The following RSPH14 variants were observed in gnomAD, a reference collection of about 807,000 sequenced individuals.
RSPH14 encodes rhabdoid tumor deletion region gene 1.
In RSPH14, 20 loss-of-function variants were observed where a neutral mutation model predicts 26.7. That is an observed-to-expected ratio of 0.75 (90% CI 0.53 to 1.09). RSPH14 has a LOEUF of 1.09. RSPH14 is among the 50% of genes least tolerant of loss of function. RSPH14 has a pLI of 0.00. For synonymous variants in RSPH14, 177 were observed against 189.3 expected (o/e 0.93, Z 0.53); for missense variants, 449 against 457.2 (o/e 0.98, Z 0.16).
intron 4 of RSPH14, chr22:23,133,782 G>T (rs1207826408): frequency 7.8e-6 from 3 of 382,420 alleles, no homozygotes; most frequent in Non-Finnish European, 1.6e-5. Context: ...TAGAGACAGG[G>T]TTTCACCATA....
At chr22:23,128,550 C>T (rs1210986649) in intron 4 of RSPH14, among the ~76,000 whole-genome samples, 1 of 152,200 alleles carries the variant, frequency 6.6e-6, no homozygotes, top group African/African-American at 2.4e-5. Flanking sequence ...GCAGCTTGGG[C>T]CCAGGGCCCC....
chr22:23,082,292 C>G (rs1253811226), intron 4 of RSPH14, among the ~76,000 whole-genome samples: 1 of 151,522 alleles, frequency 6.6e-6, no homozygotes, highest in Non-Finnish European at 1.5e-5. Flanking sequence ...TCTCGGCTCA[C>G]TGCAACCTCC....
rs145680788 is a variant in RSPH14, at chr22:23,138,847, C to T, written c.295G>A (p.Val99Met). Residue 99 changes from valine to methionine, a missense_variant, in exon 3 of 7, where the codon GTG becomes ATG. Physicochemically the swap from Val to Met is conservative, Grantham distance 21. Coordinates refer to ENST00000216036, the MANE Select transcript of RSPH14 (RefSeq NM_014433.3). Reference sequence around the variant, plus strand: ...TCCAGAACAGCATCCCACCTGCCCACGCTATGGCTTGCCGTGATGTGGAGC... The same window carrying T: ...TCCAGAACAGCATCCCACCTGCCCATGCTATGGCTTGCCGTGATGTGGAGC... ...EVLHITASHS[V>M]GRYAFLEHDI... 19 of 1,551,436 alleles carry T rather than the reference C, an allele frequency of 1.2e-5. No homozygotes were observed. The highest frequency in any genetic ancestry group is 2.7e-5 in the African/African-American group (2 of 73,030).
At chr22:23,143,623 TC>T (rs915013889), upstream of RSPH14, among the ~76,000 whole-genome samples, 5 of 152,222 alleles carry the variant, frequency 3.3e-5, no homozygotes, top group Admixed American at 2.6e-4. Flanking sequence ...AAATTTGTCA[TC>T]CTTTGTCTAA....
intron 4 of RSPH14, among the ~76,000 whole-genome samples, chr22:23,128,599 G>T (rs183271096): frequency 4.1e-4 from 63 of 152,304 alleles, no homozygotes; most frequent in African/African-American, 1.4e-3. Context: ...CCTCAGTCCT[G>T]GGGTGCCCCC....
At chr22:23,153,692 C>CAT in the RSPH14 span, 4 of 273,152 alleles carry the variant, frequency 1.5e-5, no homozygotes, top group Non-Finnish European at 1.8e-5. Context: ...CCACTTCTGT[C>CAT]TTTTTTTTTT....
chr22:23,104,068 G>A (rs1266435811), intron 4 of RSPH14, among the ~76,000 whole-genome samples: 7 of 152,018 alleles, frequency 4.6e-5, no homozygotes, highest in Non-Finnish European at 1.0e-4. Flanking sequence ...CGTGGGGGTG[G>A]TGATCTGATC....
chr22:23,161,059 C>A, the RSPH14 span: 1 of 1,534,618 alleles, frequency 6.5e-7, no homozygotes, highest in Non-Finnish European at 8.8e-7. Context: ...AATCCACATG[C>A]GCCATCCTCG....
At chr22:23,157,881 C>T in the RSPH14 span, 1 of 1,574,170 alleles carries the variant, frequency 6.4e-7, no homozygotes, top group Non-Finnish European at 8.6e-7. Context: ...TGCTGAGTGC[C>T]TGGTTGGGGG....
At chr22:23,145,781 C>T (rs1218810850), upstream of RSPH14, among the ~76,000 whole-genome samples, 2 of 152,246 alleles carry the variant, frequency 1.3e-5, no homozygotes, top group East Asian at 3.9e-4. Flanking sequence ...CAACCGGACT[C>T]CGCCAGGACC....
chr22:23,149,990 C>A, upstream of RSPH14: 1 of 1,200,764 alleles, frequency 8.3e-7, no homozygotes, highest in African/African-American at 1.5e-5. Flanking sequence ...GATCATCTCC[C>A]CTCACTGCTT....
the RSPH14 span, chr22:23,158,144 TGTGA>T: frequency 6.4e-7 from 1 of 1,552,352 alleles, no homozygotes; most frequent in Non-Finnish European, 8.7e-7. Context: ...CCGTGGTGGG[TGTGA>T]GTGACCAGGG....
At chr22:23,077,122 G>C (rs1364051428) in intron 4 of RSPH14, among the ~76,000 whole-genome samples, 1 of 152,174 alleles carries the variant, frequency 6.6e-6, no homozygotes, top group Admixed American at 6.5e-5. Flanking sequence ...ACGGGAGGCA[G>C]GATTTAGATG....
At chr22:23,145,305 GGGTGT>G, upstream of RSPH14, 2 of 1,309,690 alleles carry the variant, frequency 1.5e-6, no homozygotes, top group Non-Finnish European at 2.0e-6. Context: ...CGGCTCTCCA[GGGTGT>G]CCAGGAGTCT....
intron 4 of RSPH14, among the ~76,000 whole-genome samples, chr22:23,103,124 G>A (rs2069352253): frequency 6.6e-6 from 1 of 152,246 alleles, no homozygotes; most frequent in Non-Finnish European, 1.5e-5. Flanking sequence ...TGCCAGGGCA[G>A]TGAGGGGCTA....
At chr22:23,176,650 T>TG in the RSPH14 span, among the ~76,000 whole-genome samples, 7 of 152,176 alleles carry the variant, frequency 4.6e-5, no homozygotes, top group Admixed American at 2.0e-4. Context: ...ACAAGTCCCA[T>TG]GAGTTTTACT....
At chr22:23,127,342 A>G (rs1454109961) in intron 4 of RSPH14, among the ~76,000 whole-genome samples, 4 of 152,204 alleles carry the variant, frequency 2.6e-5, no homozygotes, top group Non-Finnish European at 5.9e-5. Context: ...ATCAGTGACC[A>G]TCATTCCTGC....
chr22:23,109,163 C>T (rs1225128940), intron 4 of RSPH14, among the ~76,000 whole-genome samples: 1 of 152,182 alleles, frequency 6.6e-6, no homozygotes, highest in Non-Finnish European at 1.5e-5. Context: ...CACTGTCACC[C>T]AGAATAACTG....
intron 4 of RSPH14, among the ~76,000 whole-genome samples, chr22:23,113,915 G>C (rs1161667097): frequency 4.6e-5 from 7 of 152,260 alleles, no homozygotes; most frequent in Non-Finnish European, 8.8e-5. Flanking sequence ...GTTGGTCACT[G>C]TGTCAGCAGT....
Sources: allele counts gnomAD v4.1 joint callset (sites outside exome capture counted in the v4.1 genomes callset), GRCh38; gene constraint gnomAD v4.1.1; transcripts MANE v1.5; gene names NCBI Gene and HGNC (gene_info 2026-07-23, HGNC 2026-07-21).